GNG7: variants seen among roughly 807,000 people sequenced by gnomAD.
GNG7 encodes the protein guanine nucleotide-binding protein G(I)/G(S)/G(O) subunit gamma-7.
In GNG7, 1 loss-of-function variant was observed where a neutral mutation model predicts 4.0. The ratio of observed to expected loss-of-function variants is 0.25; its 90% CI spans 0.09 to 1.18. GNG7 has a LOEUF of 1.18. GNG7 is among the 50% of genes most tolerant of loss of function. GNG7 has a pLI of 0.50. For synonymous variants in GNG7, 34 were observed against 36.9 expected (o/e 0.92, Z 0.29); for missense variants, 86 against 91.9 (o/e 0.94, Z 0.26).
chr19:2,522,214 C>T (rs1978312662), intron 3 of GNG7, among the ~76,000 whole-genome samples: 1 of 152,138 alleles, frequency 6.6e-6, no homozygotes, highest in Admixed American at 6.6e-5. Context: ...GATCCAGCCC[C>T]ACGTGTCAGT....
intron 2 of GNG7, among the ~76,000 whole-genome samples, chr19:2,564,057 A>G (rs72989164): frequency 0.45 from 67,617 of 151,888 alleles, 15,200 homozygotes; most frequent in East Asian, 0.58. Flanking sequence ...GTGTAAGGGC[A>G]GGCTCCTAAA....
intron 3 of GNG7, among the ~76,000 whole-genome samples, chr19:2,553,644 T>C (rs993467944): frequency 2.1e-5 from 2 of 94,138 alleles, no homozygotes; most frequent in Non-Finnish European, 4.7e-5. Context: ...ATGTAATATG[T>C]TATATTACAT....
At chr19:2,597,723 C>T (rs529047144) in intron 2 of GNG7, among the ~76,000 whole-genome samples, 13 of 150,994 alleles carry the variant, frequency 8.6e-5, no homozygotes, top group Non-Finnish European at 1.6e-4. Context: ...GGTGAAACCC[C>T]GTCTCTACTA....
intron 3 of GNG7, among the ~76,000 whole-genome samples, chr19:2,525,637 G>C (rs533777316): frequency 1.3e-5 from 2 of 152,276 alleles, no homozygotes; most frequent in Non-Finnish European, 2.9e-5. Flanking sequence ...TGGCAGCACC[G>C]GCAGGGAGGG....
Position 2,618,427 on chromosome 19 carries a change from C to T in GNG7, c.-78+27797G>A, listed in dbSNP as rs976503840. Among the ~76,000 whole-genome samples the T allele has an allele frequency of 1.3e-5, 2 of 151,814 alleles. No individual in the cohort carries two copies. The highest frequency in any genetic ancestry group is 2.9e-5 in the Non-Finnish European group (2 of 68,010). ...GCAGTGGTGCAACCTCAGCTCACTGCAACCTGCACCTCCCCTGTTCAAGCG... is the reference window on the plus strand; with the variant it reads ...GCAGTGGTGCAACCTCAGCTCACTGTAACCTGCACCTCCCCTGTTCAAGCG... On this transcript the variant is annotated intron_variant, in intron 2 of 4. Transcript: ENST00000382159. This position sits in a 1 kb window ranked among gnomAD's most constrained non-coding sequence, Gnocchi z 5.1.
chr19:2,599,998 C>G (rs951747523), intron 2 of GNG7, among the ~76,000 whole-genome samples: 1 of 151,718 alleles, frequency 6.6e-6, no homozygotes, highest in Non-Finnish European at 1.5e-5. Flanking sequence ...CTAAAAACCA[C>G]TGAATTGTAC....
chr19:2,676,133 T>C (rs191342992), intron 1 of GNG7, among the ~76,000 whole-genome samples: 12 of 152,358 alleles, frequency 7.9e-5, no homozygotes, highest in African/African-American at 2.6e-4. Context: ...ACTTGCCAGA[T>C]GCTGGAAGAG....
chr19:2,521,500 C>T (rs923396657), intron 3 of GNG7, among the ~76,000 whole-genome samples: 3 of 151,762 alleles, frequency 2.0e-5, no homozygotes, highest in African/African-American at 4.8e-5. Context: ...TGCAGTGCCC[C>T]GGACGGCCCC....
At chr19:2,563,101 C>G (rs767568060) in intron 2 of GNG7, among the ~76,000 whole-genome samples, 3 of 152,048 alleles carry the variant, frequency 2.0e-5, no homozygotes, top group Admixed American at 1.3e-4. Context: ...CCCACCACCA[C>G]GCCCAGCTAA....
chr19:2,650,310 A>G (rs1251157552), intron 1 of GNG7, among the ~76,000 whole-genome samples: 5 of 150,198 alleles, frequency 3.3e-5, no homozygotes, highest in Non-Finnish European at 7.4e-5. Context: ...CTCAGCCTCC[A>G]GAGTAACTGG....
At chr19:2,596,667 C>A (rs527785058) in intron 2 of GNG7, among the ~76,000 whole-genome samples, 2 of 150,266 alleles carry the variant, frequency 1.3e-5, no homozygotes, top group East Asian at 2.0e-4. Context: ...AGACCCTGTC[C>A]CCCCCCCAAA....
intron 1 of GNG7, among the ~76,000 whole-genome samples, chr19:2,652,457 T>C (rs1317519247): frequency 6.6e-6 from 1 of 151,598 alleles, no homozygotes; most frequent in Non-Finnish European, 1.5e-5. Context: ...CCGTCTCTAC[T>C]AAAAATATAA....
rs1330453058 is a variant in GNG7, at chr19:2,513,033, G to GGACC, written c.*1985_*1988dup. On this transcript the variant is annotated 3_prime_UTR_variant, in exon 5 of 5. Transcript: ENST00000382159. ...GGCTCCCCGAAGCCCCAGCCCTCCC[G>GGACC]GACCTGCCGTAGAGAGCTGGGTGCC... The GGACC allele has an allele frequency of 4.1e-6, 4 of 985,434 alleles. No individual in the cohort carries two copies. The highest frequency in any genetic ancestry group is 3.6e-6 in the Non-Finnish European group (3 of 829,942). 61.0% of individuals were successfully genotyped at this position (985,434 alleles called of 1,614,324 possible).
intron 1 of GNG7, among the ~76,000 whole-genome samples, chr19:2,667,493 T>C (rs771780857): frequency 1.2e-4 from 18 of 151,954 alleles, no homozygotes; most frequent in South Asian, 8.3e-4. Flanking sequence ...AATATCTCAT[T>C]TGGGGCCAGG....
At chr19:2,569,395 C>A (rs76190386) in intron 2 of GNG7, among the ~76,000 whole-genome samples, 67,951 of 151,764 alleles carry the variant, frequency 0.45, 17,473 homozygotes, top group Non-Finnish European at 0.58. Context: ...CCTGCCTCAG[C>A]CTCCCGAGTA....
intron 3 of GNG7, among the ~76,000 whole-genome samples, chr19:2,552,848 T>TCCCCCCCCCCCCC (rs1555693069): frequency 1.2e-5 from 1 of 84,526 alleles, no homozygotes; most frequent in African/African-American, 4.6e-5. Context: ...TCCTCCCGGC[T>TCCCCCCCCCCCCC]CCACCCCCCC....
At chr19:2,661,245 A>ATAAG (rs1983138004) in intron 1 of GNG7, among the ~76,000 whole-genome samples, 1 of 93,818 alleles carries the variant, frequency 1.1e-5, no homozygotes, top group Non-Finnish European at 2.2e-5. Context: ...AGAAAGAAAG[A>ATAAG]AAAGAAAGAA....
intron 2 of GNG7, among the ~76,000 whole-genome samples, chr19:2,637,199 C>T (rs577381924): frequency 1.9e-3 from 238 of 125,298 alleles, no homozygotes; most frequent in South Asian, 3.0e-3. Flanking sequence ...CTTCAGAGGC[C>T]CCAGGAACAG....
intron 3 of GNG7, among the ~76,000 whole-genome samples, chr19:2,526,465 C>T (rs1978400461): frequency 6.8e-6 from 1 of 148,062 alleles, no homozygotes; most frequent in Non-Finnish European, 1.5e-5. Context: ...ACATTTATTA[C>T]ATATTTATAT....
Sources: gnomAD v4.1 joint callset for allele counts (sites outside exome capture counted in the v4.1 genomes callset) on GRCh38, gnomAD v4.1.1 for gene constraint, Gnocchi (gnomAD v3.1) non-coding constraint, MANE v1.5 for transcripts, NCBI Gene and HGNC (gene_info 2026-07-23, HGNC 2026-07-21) for gene names.